Variants in LCORL observed in about 807,000 individuals in gnomAD.
LCORL encodes ligand dependent nuclear receptor corepressor like.
Under a neutral mutation model 141.8 loss-of-function variants are expected in LCORL, and 41 were observed. The observed-to-expected ratio is 0.29, with a 90% CI of 0.23 to 0.38. The LOEUF (loss-of-function observed/expected upper bound fraction) is 0.38, where lower values mean the gene tolerates loss of function less well. Ranked by LOEUF, LCORL falls within the 10% of genes least tolerant of loss-of-function variation. LCORL has a pLI of 1.00. For synonymous variants in LCORL, 618 were observed against 694.1 expected (o/e 0.89, Z 1.72); for missense variants, 1,759 against 2,035.0 (o/e 0.86, Z 2.61).
chr4:17,917,756 C>A (rs143710161), intron 4 of LCORL, among the ~76,000 whole-genome samples: 1 of 151,958 alleles, frequency 6.6e-6, no homozygotes, highest in Non-Finnish European at 1.5e-5. Context: ...GGGTGGGAGG[C>A]GGAATGCAAC....
At chr4:17,908,265 C>T (rs1731976906) in intron 5 of LCORL, among the ~76,000 whole-genome samples, 1 of 152,164 alleles carries the variant, frequency 6.6e-6, no homozygotes, top group Non-Finnish European at 1.5e-5. Flanking sequence ...TTCCTGACCT[C>T]AGGTGATCCA....
intron 5 of LCORL, among the ~76,000 whole-genome samples, chr4:17,899,055 T>C (rs1436866256): frequency 6.6e-6 from 1 of 152,222 alleles, no homozygotes; most frequent in Non-Finnish European, 1.5e-5. Context: ...TATTTTCCTA[T>C]GTTTAAGGGC....
chr4:17,933,298 GT>G (rs1399050822), intron 4 of LCORL, among the ~76,000 whole-genome samples: 2 of 151,886 alleles, frequency 1.3e-5, no homozygotes, highest in Non-Finnish European at 2.9e-5. Flanking sequence ...TCTTCTTTGG[GT>G]CTCCAATTAC....
chr4:17,842,092 T>G (rs1722466280), exon 8 of LCORL: 1 of 475,066 alleles, frequency 2.1e-6, no homozygotes, highest in Non-Finnish European at 3.9e-6. Context: ...CCCTTACTCA[T>G]TATTAGTGCT....
exon 3 of LCORL, chr4:17,963,037 T>C: frequency 1.9e-6 from 3 of 1,590,100 alleles, no homozygotes; most frequent in South Asian, 2.3e-5. Context: ...AGTCAGCTCT[T>C]CTGGTTCACA....
At chr4:17,934,793 T>C (rs898083910) in intron 4 of LCORL, among the ~76,000 whole-genome samples, 2 of 152,204 alleles carry the variant, frequency 1.3e-5, no homozygotes, top group Admixed American at 6.5e-5. Context: ...TCTTTACTAC[T>C]AGTGAGCAAG....
At chr4:17,869,210 T>G (rs975616658) in intron 7 of LCORL, among the ~76,000 whole-genome samples, 29 of 152,136 alleles carry the variant, frequency 1.9e-4, no homozygotes, top group Non-Finnish European at 2.8e-4. Flanking sequence ...CTATTGGCTT[T>G]TTTCCATTAG....
At chr4:17,915,613 A>G (rs1270071562) in intron 4 of LCORL, among the ~76,000 whole-genome samples, 2 of 152,224 alleles carry the variant, frequency 1.3e-5, no homozygotes, top group African/African-American at 4.8e-5. Flanking sequence ...ACAGCCTTTA[A>G]GAAGGCTGCA....
At chr4:17,851,401 C>T (rs1375403958) in intron 7 of LCORL, among the ~76,000 whole-genome samples, 2 of 152,118 alleles carry the variant, frequency 1.3e-5, no homozygotes, top group Non-Finnish European at 2.9e-5. Flanking sequence ...AGTCCCCTCA[C>T]ATTGAAATAT....
At chr4:17,951,534 C>G (rs1739726734) in intron 4 of LCORL, among the ~76,000 whole-genome samples, 1 of 152,090 alleles carries the variant, frequency 6.6e-6, no homozygotes, top group Non-Finnish European at 1.5e-5. Flanking sequence ...TTTTACATCT[C>G]TGCTCAAATG....
chr4:17,881,984 A>AT, intron 6 of LCORL: 1 of 965,990 alleles, frequency 1.0e-6, no homozygotes, highest in South Asian at 4.8e-5. Context: ...TGGGGTGAAA[A>AT]AAAAAAAAAA....
intron 1 of LCORL, among the ~76,000 whole-genome samples, chr4:18,017,969 GA>G (rs1042930648): frequency 6.6e-6 from 1 of 151,990 alleles, no homozygotes; most frequent in Admixed American, 6.6e-5. Context: ...AAAATATAGA[GA>G]GATCAGTATA....
chr4:17,959,021 C>T (rs1403361580), intron 4 of LCORL, among the ~76,000 whole-genome samples: 1 of 151,942 alleles, frequency 6.6e-6, no homozygotes, highest in Non-Finnish European at 1.5e-5. Flanking sequence ...CTTATTCAAC[C>T]CTGAAAGAGT....
chr4:17,994,946 G>GA (rs11430329), intron 1 of LCORL, among the ~76,000 whole-genome samples: 38,588 of 151,882 alleles, frequency 0.25, 6,587 homozygotes, highest in African/African-American at 0.48. Context: ...ATGTTTGAGG[G>GA]AAAATGTCAC....
chr4:17,942,922 G>A lies in LCORL; in HGVS notation c.430+18981C>T, dbSNP rs185547582. ...CAGCAGTAGCATTAGATACTCATAG[G>A]AGAACCAACCCTATTGTGAACTGTG... On this transcript the variant is annotated intron_variant, in intron 4 of 7. Coordinates refer to ENST00000635767, the Ensembl canonical transcript of LCORL. Among the ~76,000 whole-genome samples, 330 of 152,218 alleles carry A rather than the reference G, an allele frequency of 2.2e-3. 2 individuals carry two copies. In the Middle Eastern group the frequency reaches 0.031, roughly 14 times the overall value.
intron 2 of LCORL, among the ~76,000 whole-genome samples, chr4:17,970,382 A>G (rs1190412142): frequency 6.6e-6 from 1 of 152,184 alleles, no homozygotes; most frequent in African/African-American, 2.4e-5. Flanking sequence ...CAATTACATC[A>G]CAGATCAAAA....
intron 5 of LCORL, among the ~76,000 whole-genome samples, chr4:17,902,414 T>C (rs1163570186): frequency 2.0e-5 from 3 of 152,048 alleles, no homozygotes; most frequent in Admixed American, 1.3e-4. Context: ...GCATGGAATA[T>C]AACATTTTCT....
chr4:17,970,618 A>G (rs1715743490), intron 2 of LCORL, among the ~76,000 whole-genome samples: 1 of 152,202 alleles, frequency 6.6e-6, no homozygotes, highest in Non-Finnish European at 1.5e-5. Flanking sequence ...AATGGGCAAT[A>G]AAGGCACTTT....
In LCORL at chr4:17,893,504, C is replaced by T. The variant is rs914173933; in HGVS notation, c.683-7343G>A. The T allele has an allele frequency of 1.2e-4, 121 of 985,056 alleles. 1 individual carries two copies. The African/African-American group carries it at 1.9e-3, about 15-fold the overall frequency. 61.0% of individuals were successfully genotyped at this position (985,056 alleles called of 1,614,324 possible). On this transcript the variant is annotated intron_variant, in intron 5 of 7. Coordinates refer to ENST00000635767, the Ensembl canonical transcript of LCORL. ...GGTAGGTCAGTGGGGCTGAGCACTGCGAGTGTGTTTTGTGCACAGGTAGAT... is the reference window on the plus strand; with the variant it reads ...GGTAGGTCAGTGGGGCTGAGCACTGTGAGTGTGTTTTGTGCACAGGTAGAT...
Sources: gnomAD v4.1 joint callset for allele counts (sites outside exome capture counted in the v4.1 genomes callset) on GRCh38, gnomAD v4.1.1 for gene constraint, MANE v1.5 for transcripts, NCBI Gene and HGNC (gene_info 2026-07-23, HGNC 2026-07-21) for gene names.